MAMDC2: variants seen among roughly 807,000 people sequenced by gnomAD.
The protein encoded by MAMDC2 is MAM domain-containing protein 2.
Under a neutral mutation model 89.8 loss-of-function variants are expected in MAMDC2, and 57 were observed. The ratio of observed to expected loss-of-function variants is 0.63; its 90% CI spans 0.51 to 0.79. The LOEUF (loss-of-function observed/expected upper bound fraction) is 0.79, where lower values mean the gene tolerates loss of function less well. Ranked by LOEUF, MAMDC2 falls within the 30% of genes least tolerant of loss-of-function variation. The pLI is 0.00. For missense variants in MAMDC2, 800 were observed against 820.6 expected, an observed-to-expected ratio of 0.97 and a Z score of 0.31; for synonymous variants, 313 against 293.4, an observed-to-expected ratio of 1.07 and a Z score of -0.68.
At chr9:70,070,433 G>T (rs1156455649) in intron 2 of MAMDC2, among the ~76,000 whole-genome samples, 1 of 152,098 alleles carries the variant, frequency 6.6e-6, no homozygotes, top group Non-Finnish European at 1.5e-5. Context: ...TTGTTTTAAA[G>T]AAGTAAGGTA....
At chr9:70,224,341 A>T (rs1431258935) in intron 12 of MAMDC2, among the ~76,000 whole-genome samples, 1 of 152,302 alleles carries the variant, frequency 6.6e-6, no homozygotes, top group East Asian at 1.9e-4. Flanking sequence ...CATTGTATAT[A>T]GCAAAGGTTT....
chr9:70,190,037 T>C (rs899378088), intron 11 of MAMDC2, among the ~76,000 whole-genome samples: 7 of 152,158 alleles, frequency 4.6e-5, no homozygotes, highest in Non-Finnish European at 8.8e-5. Flanking sequence ...TTAAACATAT[T>C]TGTAATAGTT....
intron 9 of MAMDC2, among the ~76,000 whole-genome samples, chr9:70,165,845 CTAG>C (rs2032154770): frequency 6.6e-6 from 1 of 152,128 alleles, no homozygotes; most frequent in Admixed American, 6.5e-5. Flanking sequence ...ACACATGTAC[CTAG>C]TGGCTATCAT....
At chr9:70,106,915 GGAT>G (rs1291156907) in intron 2 of MAMDC2, among the ~76,000 whole-genome samples, 1 of 152,152 alleles carries the variant, frequency 6.6e-6, no homozygotes, top group Non-Finnish European at 1.5e-5. Flanking sequence ...ACGGATATAA[GGAT>G]CCAGGCTGGG....
chr9:70,064,365 C>T (rs76200939), intron 2 of MAMDC2, among the ~76,000 whole-genome samples: 5 of 152,038 alleles, frequency 3.3e-5, no homozygotes, highest in African/African-American at 7.2e-5. Context: ...TATGCCTGTG[C>T]GTCCTTATAG....
intron 2 of MAMDC2, among the ~76,000 whole-genome samples, chr9:70,051,090 C>T (rs913901004): frequency 2.0e-5 from 3 of 152,204 alleles, no homozygotes; most frequent in African/African-American, 7.2e-5. Flanking sequence ...AGTTCTTGGA[C>T]AAGATCCTAA....
intron 2 of MAMDC2, among the ~76,000 whole-genome samples, chr9:70,059,399 G>T (rs936938295): frequency 6.6e-6 from 1 of 151,382 alleles, no homozygotes; most frequent in Non-Finnish European, 1.5e-5. Context: ...TTCATGCTAT[G>T]GGACATGAAC....
intron 11 of MAMDC2, among the ~76,000 whole-genome samples, chr9:70,205,061 C>T (rs538449613): frequency 9.8e-5 from 15 of 152,348 alleles, no homozygotes; most frequent in South Asian, 4.1e-4. Flanking sequence ...TGTTCCTATT[C>T]GGCCATCTTG....
At chr9:70,048,472 T>C (rs141144965) in intron 2 of MAMDC2, among the ~76,000 whole-genome samples, 2,355 of 152,256 alleles carry the variant, frequency 0.015, 65 homozygotes, top group African/African-American at 0.054. Context: ...CTAATTTTTG[T>C]ATTTTTAGTA....
At chr9:70,152,642 C>G (rs2031620158) in intron 9 of MAMDC2, among the ~76,000 whole-genome samples, 2 of 152,112 alleles carry the variant, frequency 1.3e-5, no homozygotes, top group Admixed American at 1.3e-4. Context: ...AGCCCTAACT[C>G]TCAGGATTCC....
rs2033646730 is a variant in MAMDC2 at position 70,226,865 on chromosome 9, T to G, written c.*833T>G. ...ATAATATGAATTCAGGCAGATATAC[T>G]AAACTGCTTTTATTTACTTGTTTAG... On this transcript the variant is annotated 3_prime_UTR_variant, in exon 14 of 14. Transcript: ENST00000377182. The G allele has an allele frequency of 6.6e-6, 1 of 152,134 alleles. No homozygotes were observed. The highest frequency in any genetic ancestry group is 6.5e-5 in the Admixed American group (1 of 15,290). The allele number at this position is 152,134 out of a possible 1,614,324, so 9.4% of individuals were successfully genotyped here. A position where few individuals can be genotyped will look rare whatever the true frequency, so the allele number is the denominator to read the frequency against.
Position 70,220,153 on chromosome 9 carries a change from C to T in MAMDC2, c.1911+1557C>T, listed in dbSNP as rs548741003. On this transcript the variant is annotated intron_variant, in intron 12 of 13. Transcript: ENST00000377182. ...ACTGATTTTTTGTTCAACTCTCAAG[C>T]GATACTGATGCGCAAGTGCTCTAAG... is the stretch of plus-strand genomic sequence containing the variant. 4.6e-5 allele frequency among the ~76,000 whole-genome samples: 7 copies of T among 152,224 alleles called. No homozygotes were observed. In the East Asian group the frequency reaches 7.7e-4, roughly 17 times the overall value.
chr9:70,131,490 A>T, intron 6 of MAMDC2, 29 bp from the exon 7 acceptor site: 1 of 1,512,000 alleles, frequency 6.6e-7, no homozygotes, highest in African/African-American at 1.4e-5. Flanking sequence ...ATATGTGAAC[A>T]TGTGACAGCA....
chr9:70,139,575 T>G (rs1197726107), intron 7 of MAMDC2, among the ~76,000 whole-genome samples: 2 of 152,124 alleles, frequency 1.3e-5, no homozygotes, highest in African/African-American at 4.8e-5. Context: ...AGTGCCGCAA[T>G]AAACATACGT....
intron 3 of MAMDC2, among the ~76,000 whole-genome samples, chr9:70,108,942 A>C (rs1192635847): frequency 6.6e-6 from 1 of 152,214 alleles, no homozygotes; most frequent in East Asian, 1.9e-4. Context: ...GACATGTTCC[A>C]TTTCCTTTTC....
At chr9:70,084,751 G>A (rs551916512) in intron 2 of MAMDC2, among the ~76,000 whole-genome samples, 1 of 152,224 alleles carries the variant, frequency 6.6e-6, no homozygotes, top group South Asian at 2.1e-4. Flanking sequence ...ACCAAAGGAT[G>A]TTGAGATAAA....
intron 4 of MAMDC2, among the ~76,000 whole-genome samples, chr9:70,110,197 G>A (rs1828470603): frequency 6.6e-6 from 1 of 152,174 alleles, no homozygotes. Context: ...GCACACCACG[G>A]CTCTCCTCTT....
chr9:70,128,048 C>T (rs558624164), intron 6 of MAMDC2, among the ~76,000 whole-genome samples: 10 of 152,334 alleles, frequency 6.6e-5, no homozygotes, highest in African/African-American at 1.9e-4. Flanking sequence ...TGGGTCAACA[C>T]ATGTGATTTT....
intron 9 of MAMDC2, 102 bp from the exon 10 acceptor site, chr9:70,168,600 A>C (rs2032238125): frequency 2.6e-6 from 2 of 775,300 alleles, no homozygotes; most frequent in Admixed American, 4.1e-5. Flanking sequence ...AGCTGCTTGT[A>C]GTTTGCCTAT....
Sources: allele counts gnomAD v4.1 joint callset (sites outside exome capture counted in the v4.1 genomes callset), GRCh38; gene constraint gnomAD v4.1.1; transcripts MANE v1.5; gene names NCBI Gene and HGNC (gene_info 2026-07-23, HGNC 2026-07-21).